SEL1L: variants seen among roughly 807,000 people sequenced by gnomAD.
SEL1L encodes protein sel-1 homolog 1.
Under a neutral mutation model 109.8 loss-of-function variants are expected in SEL1L, and 52 were observed. The ratio of observed to expected loss-of-function variants is 0.47; its 90% confidence interval spans 0.38 to 0.60. SEL1L has a LOEUF of 0.60. SEL1L is among the 20% of genes least tolerant of loss of function. The pLI is 0.00. For synonymous variants in SEL1L, 373 were observed against 339.6 expected, an observed-to-expected ratio of 1.10 and a Z score of -1.08; for missense variants, 749 against 962.2, an observed-to-expected ratio of 0.78 and a Z score of 2.93.
chr14:81,496,826 T>C (rs1027874263), intron 10 of SEL1L, among the ~76,000 whole-genome samples: 2 of 152,278 alleles, frequency 1.3e-5, no homozygotes, highest in South Asian at 2.1e-4. Flanking sequence ...CAGTATCTCA[T>C]GGTACCAAAA....
Position 81,495,066 on chromosome 14 carries a change from G to C in SEL1L, c.1185+15C>G. The C allele has an allele frequency of 1.9e-6, 3 of 1,612,570 alleles. No individual in the cohort carries two copies. The highest frequency in any genetic ancestry group is 1.3e-5 in the African/African-American group (1 of 75,010). ...CTAAAACTGAGATGCAAAGCCCTAG[G>C]AACAGGGTAGTTACCTGATGATTCT... On this transcript the variant is annotated intron_variant, in intron 11 of 20. Transcript: ENST00000336735.
chr14:81,527,621 C>T, intron 2 of SEL1L, 80 bp downstream of exon 2: 3 of 1,007,168 alleles, frequency 3.0e-6, no homozygotes, highest in Non-Finnish European at 4.3e-6. Flanking sequence ...AGTTGCAGAC[C>T]TCATATCCTT....
intron 3 of SEL1L, among the ~76,000 whole-genome samples, chr14:81,524,146 T>C (rs559797166): frequency 1.3e-5 from 2 of 152,264 alleles, no homozygotes; most frequent in African/African-American, 4.8e-5. Context: ...GGAGGAATGG[T>C]AGAATTAGAA....
intron 5 of SEL1L, among the ~76,000 whole-genome samples, chr14:81,503,421 T>G (rs1177932767): frequency 6.6e-6 from 1 of 151,342 alleles, no homozygotes; most frequent in Non-Finnish European, 1.5e-5. Context: ...CACTGCAGCC[T>G]CTCTACCTTC....
chr14:81,512,954 T>C (rs537488391), intron 3 of SEL1L, among the ~76,000 whole-genome samples: 17 of 152,318 alleles, frequency 1.1e-4, no homozygotes, highest in Admixed American at 1.0e-3. Flanking sequence ...AACTTAGATT[T>C]TGGAAGGGTT....
rs114567426 is a variant in SEL1L at position 81,478,354 on chromosome 14, C to T, written c.2176-1173G>A. On this transcript the variant is annotated intron_variant, in intron 20 of 20. Coordinates refer to ENST00000336735, the MANE Select transcript of SEL1L (RefSeq NM_005065.6). ...CTTATTAGTCTTATACTCTCTTTTT[C>T]TTTTTAGTTGGAATAACTAGGTGGT... Among the ~76,000 whole-genome samples, 526 of 151,960 alleles carry T rather than the reference C, an allele frequency of 3.5e-3. 3 individuals are homozygous for T. Among genetic ancestry groups the T allele is most frequent in the African/African-American group, 0.012 (501 of 41,432 alleles).
intron 6 of SEL1L, among the ~76,000 whole-genome samples, chr14:81,501,644 A>C (rs1884013884): frequency 6.6e-6 from 1 of 152,154 alleles, no homozygotes; most frequent in African/African-American, 2.4e-5. Context: ...TAGATATTTC[A>C]CTTATCTTTA....
chr14:81,517,705 T>G (rs1314389914), intron 3 of SEL1L, among the ~76,000 whole-genome samples: 4 of 152,208 alleles, frequency 2.6e-5, no homozygotes, highest in Non-Finnish European at 5.9e-5. Context: ...TCTAGATGTA[T>G]TGTAAAAATT....
At position 81,480,347 on chromosome 14, in the gene SEL1L, G is replaced by A. The variant is rs888118577; in HGVS notation, c.2047-607C>T. Among the ~76,000 whole-genome samples the A allele has an allele frequency of 5.9e-5, 9 of 152,038 alleles. No individual in the cohort carries two copies. In the East Asian group the frequency reaches 7.7e-4, roughly 13 times the overall value. ...TGGGACTACAGGTGCCTGCCACCTC[G>A]CCCGGCTAATTTTTTGTATTTTTAG... On this transcript the variant is annotated intron_variant, in intron 19 of 20. Transcript: ENST00000336735.
chr14:81,524,152 T>G (rs1377040057), intron 3 of SEL1L, among the ~76,000 whole-genome samples: 2 of 152,114 alleles, frequency 1.3e-5, no homozygotes, highest in East Asian at 3.9e-4. Flanking sequence ...ATGGTAGAAT[T>G]AGAAAGTCAC....
At chr14:81,518,659 T>TAAAAAA (rs35790401) in intron 3 of SEL1L, among the ~76,000 whole-genome samples, 2 of 84,488 alleles carry the variant, frequency 2.4e-5, no homozygotes, top group African/African-American at 8.8e-5. Flanking sequence ...AGACTTCGTC[T>TAAAAAA]AAAAAAAAAA....
At chr14:81,519,140 T>A (rs530458809) in intron 3 of SEL1L, among the ~76,000 whole-genome samples, 3 of 152,348 alleles carry the variant, frequency 2.0e-5, no homozygotes, top group Admixed American at 6.5e-5. Context: ...AGTTCTCTAA[T>A]AAGCTACCTG....
chr14:81,533,750 T>C lies in SEL1L; in HGVS notation c.-6A>G, dbSNP rs1395481327. 1 of 1,612,718 alleles carries C rather than the reference T, an allele frequency of 6.2e-7. No homozygotes were observed. Among genetic ancestry groups the C allele is most frequent in the East Asian group, 2.2e-5 (1 of 44,836 alleles). ...AGCCCTATCCGGACCCGCATCCTCCTCTCGGGGCCGGTGCCAACCCCTAGA... is the reference window on the plus strand; with the variant it reads ...AGCCCTATCCGGACCCGCATCCTCCCCTCGGGGCCGGTGCCAACCCCTAGA... On this transcript the variant is annotated 5_prime_UTR_variant, in exon 1 of 21. Transcript: ENST00000336735.
At chr14:81,505,277 C>T (rs1884194193) in intron 4 of SEL1L, among the ~76,000 whole-genome samples, 1 of 152,144 alleles carries the variant, frequency 6.6e-6, no homozygotes, top group African/African-American at 2.4e-5. Context: ...TGATATAACA[C>T]TGAAAATCAT....
At position 81,526,827 on chromosome 14, in the gene SEL1L, T is replaced by C; in HGVS notation, c.246A>G (p.Gln82=). 15 of 1,605,672 alleles carry C rather than the reference T, an allele frequency of 9.3e-6. No homozygotes were observed. The highest frequency in any genetic ancestry group is 1.3e-5 in the Non-Finnish European group (15 of 1,177,352). ...IQEEEDSLKS[Q]EGESVTEDIS... ...TATCTTCTGTGACACTTTCCCCCTC[T>C]TGGCTCTTGAGGCTGTCTTCCTCTT... Residue 82 remains glutamine, a synonymous_variant, in exon 3 of 21, where the codon CAA becomes CAG. Coordinates refer to ENST00000336735, the MANE Select transcript of SEL1L (RefSeq NM_005065.6).
chr14:81,504,200 C>A lies in SEL1L; in HGVS notation c.614+1G>T. On this transcript the variant is annotated splice_donor_variant, in intron 5 of 20. Transcript: ENST00000336735. LOFTEE classifies it high-confidence loss of function. ...AAAGTGGACTTAGCAGTGCTACCTA[C>A]TCTCTTTTTTGGCTTTTCTTATTGC... 1 of 1,576,938 alleles carries A rather than the reference C, an allele frequency of 6.3e-7. No individual in the cohort carries two copies. Among genetic ancestry groups the A allele is most frequent in the Non-Finnish European group, 8.6e-7 (1 of 1,158,340 alleles).
At chr14:81,516,007 A>C (rs552159747) in intron 3 of SEL1L, among the ~76,000 whole-genome samples, 1 of 152,316 alleles carries the variant, frequency 6.6e-6, no homozygotes, top group Admixed American at 6.5e-5. Flanking sequence ...GCTTGTTATC[A>C]GTGTGGTTTG....
At chr14:81,514,616 C>T (rs1289828235) in intron 3 of SEL1L, among the ~76,000 whole-genome samples, 1 of 152,144 alleles carries the variant, frequency 6.6e-6, no homozygotes, top group Non-Finnish European at 1.5e-5. Context: ...ACTAGTGTTT[C>T]TGCTGCTTTG....
intron 14 of SEL1L, 55 bp downstream of exon 14, chr14:81,489,197 C>T (rs191334607): frequency 1.2e-5 from 18 of 1,483,784 alleles, no homozygotes; most frequent in African/African-American, 4.2e-5. Flanking sequence ...GGAACATGTC[C>T]CTACCTCTCC....
Sources: allele counts gnomAD v4.1 joint callset (sites outside exome capture counted in the v4.1 genomes callset), GRCh38; gene constraint gnomAD v4.1.1; transcripts MANE v1.5; gene names NCBI Gene and HGNC (gene_info 2026-07-23, HGNC 2026-07-21).